CCDC138: variants seen among roughly 807,000 people sequenced by gnomAD.
CCDC138 encodes coiled-coil domain containing 138, also known as coiled-coil domain-containing protein 138.
In CCDC138, 66 loss-of-function variants were observed where a neutral mutation model predicts 82.3. The ratio of observed to expected loss-of-function variants is 0.80; its 90% CI spans 0.66 to 0.98. The LOEUF is 0.98. Among genes scored for constraint, CCDC138 ranks in the 50% least tolerant of loss-of-function variants. CCDC138 has a pLI of 0.00. For synonymous variants in CCDC138, 297 were observed against 265.4 expected, an observed-to-expected ratio of 1.12 and a Z score of -1.16; for missense variants, 816 against 758.9, an observed-to-expected ratio of 1.08 and a Z score of -0.88.
intron 13 of CCDC138, among the ~76,000 whole-genome samples, chr2:108,867,723 T>C (rs537705043): frequency 6.6e-6 from 1 of 152,336 alleles, no homozygotes; most frequent in African/African-American, 2.4e-5. Context: ...TTTGTTTGTT[T>C]TTAAATATTT....
intron 14 of CCDC138, among the ~76,000 whole-genome samples, chr2:108,875,333 A>G (rs76751958): frequency 1.5e-5 from 2 of 129,706 alleles, no homozygotes; most frequent in African/African-American, 5.3e-5. Context: ...AAAAAAAAAA[A>G]AAAGAAACAA....
In CCDC138 at chr2:108,876,303, T is replaced by C. The variant is rs200792333; in HGVS notation, c.*50T>C. ...TATGTGGTGCTTATTTATAAACATG[T>C]AGAAATTACCAAAGTAACTACAATT... On this transcript the variant is annotated 3_prime_UTR_variant, in exon 15 of 15. Transcript: ENST00000295124. 253 of 1,022,022 alleles carry C rather than the reference T, an allele frequency of 2.5e-4. No homozygotes were observed. Among genetic ancestry groups the C allele is most frequent in the Non-Finnish European group, 2.5e-4 (183 of 718,446 alleles). The allele number at this position is 1,022,022 out of a possible 1,614,324, so 63.3% of individuals were successfully genotyped here.
chr2:108,858,217 G>A (rs575427629), intron 13 of CCDC138, among the ~76,000 whole-genome samples: 1 of 152,156 alleles, frequency 6.6e-6, no homozygotes, highest in African/African-American at 2.4e-5. Flanking sequence ...GGTGGTGTGC[G>A]CCTGTAATGC....
chr2:108,853,982 TAA>T (rs1249168724), intron 12 of CCDC138, among the ~76,000 whole-genome samples: 1 of 9,438 alleles, frequency 1.1e-4, no homozygotes, highest in Non-Finnish European at 3.7e-4. Context: ...ATATAATATA[TAA>T]TATATAATAA....
chr2:108,816,844 C>T lies in CCDC138; in HGVS notation c.1206+739C>T, dbSNP rs558758742. On this transcript the variant is annotated intron_variant, in intron 10 of 14. Transcript: ENST00000295124. ...TTTGAGTAGGGTCTACAGGTATACA[C>T]CACCTTGCCAGCTAATTTTTAAAAA... Among the ~76,000 whole-genome samples, 3 of 152,234 alleles carry T rather than the reference C, an allele frequency of 2.0e-5. No homozygotes were observed. In the East Asian group the frequency reaches 5.8e-4, roughly 29 times the overall value.
At chr2:108,820,475 A>G (rs1685495896) in intron 10 of CCDC138, among the ~76,000 whole-genome samples, 1 of 152,168 alleles carries the variant, frequency 6.6e-6, no homozygotes, top group Non-Finnish European at 1.5e-5. Context: ...AAATAGGCAT[A>G]CAAGTTCAAG....
chr2:108,878,487 C>A (rs1696178241), downstream of CCDC138: 1 of 215,906 alleles, frequency 4.6e-6, no homozygotes. Flanking sequence ...AGATGGCACA[C>A]ATATTTATGC....
At chr2:108,837,139 T>C (rs1474395693) in intron 10 of CCDC138, among the ~76,000 whole-genome samples, 1 of 152,212 alleles carries the variant, frequency 6.6e-6, no homozygotes, top group Non-Finnish European at 1.5e-5. Flanking sequence ...GGAAAGGCTT[T>C]CATTCTTTTA....
At position 108,876,356 on chromosome 2, in the gene CCDC138, A is replaced by G; in HGVS notation, c.*103A>G. 1.6e-6 allele frequency: 1 copy of G among 615,064 alleles called. No individual in the cohort carries two copies. Among genetic ancestry groups the G allele is most frequent in the Non-Finnish European group, 2.7e-6 (1 of 367,152 alleles). The allele number at this position is 615,064 out of a possible 1,614,324, so 38.1% of individuals were successfully genotyped here. A position where few individuals can be genotyped will look rare whatever the true frequency, so the allele number is the denominator to read the frequency against. On this transcript the variant is annotated 3_prime_UTR_variant, in exon 15 of 15. Transcript: ENST00000295124. ...ACCAAGTAAAGTTATCAGTAGCATCATTTATCATGAAAAATAAATAATTTT... is the reference window on the plus strand; with the variant it reads ...ACCAAGTAAAGTTATCAGTAGCATCGTTTATCATGAAAAATAAATAATTTT...
chr2:108,868,750 C>G (rs950105647), intron 13 of CCDC138, among the ~76,000 whole-genome samples: 2 of 151,976 alleles, frequency 1.3e-5, no homozygotes, highest in Non-Finnish European at 2.9e-5. Flanking sequence ...GAGCCTTTGA[C>G]CATGACACAT....
At chr2:108,844,138 A>C (rs1690046508) in intron 11 of CCDC138, among the ~76,000 whole-genome samples, 1 of 151,208 alleles carries the variant, frequency 6.6e-6, no homozygotes, top group Non-Finnish European at 1.5e-5. Context: ...CGGGAGTGCA[A>C]CCGTGAGCCA....
At chr2:108,786,942 G>T (rs765197005) in intron 1 of CCDC138, 27 bp downstream of exon 1, 1 of 1,458,844 alleles carries the variant, frequency 6.9e-7, no homozygotes, top group Admixed American at 2.5e-5. Flanking sequence ...AGGTCCGCGG[G>T]TGGGCTCCTG....
chr2:108,849,164 C>CA (rs1690995342), intron 12 of CCDC138, among the ~76,000 whole-genome samples: 1 of 151,692 alleles, frequency 6.6e-6, no homozygotes, highest in African/African-American at 2.4e-5. Context: ...AGAAACTGTC[C>CA]AAAATGAATT....
At chr2:108,826,203 G>A (rs140865187) in intron 10 of CCDC138, among the ~76,000 whole-genome samples, 3,266 of 152,250 alleles carry the variant, frequency 0.021, 40 homozygotes, top group Middle Eastern at 0.037. Flanking sequence ...TCTCCATTCA[G>A]TAGTTGTCTG....
Position 108,881,908 on chromosome 2 carries a change from C to G in CCDC138, c.44-763C>G, listed in dbSNP as rs149729842. Among the ~76,000 whole-genome samples the G allele has an allele frequency of 2.4e-3, 365 of 152,256 alleles. 4 individuals carry two copies. The highest frequency in any genetic ancestry group is 8.5e-3 in the African/African-American group (353 of 41,556). On this transcript the variant is annotated intron_variant, in intron 1 of 2. Transcript: ENST00000608781. ...CTTGTAACCCCAGCACTTTGGGAAGCTGAGGCTAGAGGATTGCTTGAGGCC... is the reference window on the plus strand; with the variant it reads ...CTTGTAACCCCAGCACTTTGGGAAGGTGAGGCTAGAGGATTGCTTGAGGCC...
At chr2:108,815,470 T>G (rs1159338897) in intron 9 of CCDC138, among the ~76,000 whole-genome samples, 1 of 137,438 alleles carries the variant, frequency 7.3e-6, no homozygotes, top group African/African-American at 2.8e-5. Context: ...TGTTTTTTTT[T>G]TTTTTTTTTT....
intron 13 of CCDC138, among the ~76,000 whole-genome samples, chr2:108,863,551 T>G (rs1693948605): frequency 6.6e-6 from 1 of 152,188 alleles, no homozygotes; most frequent in South Asian, 2.1e-4. Flanking sequence ...CATCAAGACT[T>G]GGGGTTTTTT....
At chr2:108,794,819 T>A in intron 5 of CCDC138, 98 bp downstream of exon 5, 1 of 963,164 alleles carries the variant, frequency 1.0e-6, no homozygotes, top group Non-Finnish European at 1.5e-6. Flanking sequence ...TTTTAATTAC[T>A]TTAGATAAGT....
chr2:108,832,676 A>C (rs1687909189), intron 10 of CCDC138, among the ~76,000 whole-genome samples: 1 of 152,208 alleles, frequency 6.6e-6, no homozygotes, highest in African/African-American at 2.4e-5. Flanking sequence ...TTATATCCTA[A>C]GATAAGAAAA....
Sources: allele counts gnomAD v4.1 joint callset (sites outside exome capture counted in the v4.1 genomes callset), GRCh38; gene constraint gnomAD v4.1.1; transcripts MANE v1.5; gene names NCBI Gene and HGNC (gene_info 2026-07-23, HGNC 2026-07-21).